The following DPH6 variants were observed in gnomAD, a reference collection of about 807,000 sequenced individuals.
DPH6 encodes the protein diphthamine biosynthesis 6.
In DPH6, 33 loss-of-function variants were observed where a neutral mutation model predicts 38.2. The observed-to-expected ratio is 0.86, with a 90% CI of 0.65 to 1.15. The LOEUF (loss-of-function observed/expected upper bound fraction) is 1.15. Ranked by LOEUF, DPH6 falls within the 50% of genes most tolerant of loss-of-function variation. The probability of loss-of-function intolerance (pLI) is 0.00; values close to 1 mark genes in which losing one functional copy is unlikely to be tolerated. For synonymous variants in DPH6, 108 were observed against 103.0 expected (o/e 1.05, Z -0.30); for missense variants, 325 against 320.0 (o/e 1.02, Z -0.12).
At chr15:35,263,017 A>G (rs930079338) in intron 3 of DPH6, among the ~76,000 whole-genome samples, 4 of 152,212 alleles carry the variant, frequency 2.6e-5, no homozygotes, top group Non-Finnish European at 5.9e-5. Flanking sequence ...GATGTGGATA[A>G]TTACATGCTG....
chr15:35,182,132 A>G, the DPH6 span, among the ~76,000 whole-genome samples: 1 of 151,516 alleles, frequency 6.6e-6, no homozygotes, highest in Non-Finnish European at 1.5e-5. Context: ...CTATAGATAA[A>G]GGAATTCATG....
At chr15:35,537,825 TGTTA>T (rs2055192929) in intron 3 of DPH6, among the ~76,000 whole-genome samples, 1 of 152,120 alleles carries the variant, frequency 6.6e-6, no homozygotes, top group Non-Finnish European at 1.5e-5. Context: ...CTATCAAGCA[TGTTA>T]TTTATTGTTT....
chr15:35,485,948 T>C (rs756155173), intron 3 of DPH6, among the ~76,000 whole-genome samples: 3 of 152,190 alleles, frequency 2.0e-5, no homozygotes, highest in Admixed American at 1.3e-4. Context: ...ACTAACTAGC[T>C]TAAGTAGTTG....
intron 3 of DPH6, among the ~76,000 whole-genome samples, chr15:35,238,491 T>C (rs2051573414): frequency 1.3e-5 from 2 of 152,222 alleles, no homozygotes; most frequent in Non-Finnish European, 2.9e-5. Context: ...CCAGCCACAC[T>C]TGGGGAGCCA....
At chr15:35,213,431 G>A (rs527911637), downstream of DPH6, among the ~76,000 whole-genome samples, 2 of 152,036 alleles carry the variant, frequency 1.3e-5, no homozygotes, top group South Asian at 2.1e-4. Context: ...TATAACACAC[G>A]TTTTTATGCT....
At chr15:35,394,738 C>T (rs983179598) in intron 6 of DPH6, among the ~76,000 whole-genome samples, 7 of 152,282 alleles carry the variant, frequency 4.6e-5, no homozygotes, top group Middle Eastern at 3.4e-3. Context: ...ACAATAGTAC[C>T]AACCTCATAG....
intron 3 of DPH6, among the ~76,000 whole-genome samples, chr15:35,464,248 C>T (rs903160900): frequency 3.3e-5 from 5 of 150,356 alleles, no homozygotes; most frequent in East Asian, 1.9e-4. Context: ...GAGCCGAGAT[C>T]GTGCTACAGT....
intron 3 of DPH6, among the ~76,000 whole-genome samples, chr15:35,525,633 A>G (rs1361506420): frequency 6.6e-6 from 1 of 152,100 alleles, no homozygotes; most frequent in East Asian, 1.9e-4. Flanking sequence ...ACTATGACAA[A>G]AATTGGCCAC....
chr15:35,467,447 T>C (rs2054141178), intron 3 of DPH6, among the ~76,000 whole-genome samples: 1 of 152,142 alleles, frequency 6.6e-6, no homozygotes, highest in African/African-American at 2.4e-5. Flanking sequence ...GCACCTGTAA[T>C]CCCAGCTACA....
intron 3 of DPH6, among the ~76,000 whole-genome samples, chr15:35,486,524 CA>C (rs753700247): frequency 5.3e-5 from 8 of 150,164 alleles, no homozygotes; most frequent in Admixed American, 1.3e-4. Context: ...TTTAAATCAT[CA>C]GATCTCAAGA....
chr15:35,392,451 T>C (rs1311220285), intron 6 of DPH6, among the ~76,000 whole-genome samples: 1 of 151,690 alleles, frequency 6.6e-6, no homozygotes, highest in Non-Finnish European at 1.5e-5. Flanking sequence ...ACCTTTCACC[T>C]CCACCTAGAG....
intron 3 of DPH6, among the ~76,000 whole-genome samples, chr15:35,473,939 TGTGTGTGTGTGTGTGTGTGC>T (rs1389385134): frequency 1.8e-3 from 145 of 80,834 alleles, no homozygotes; most frequent in South Asian, 0.018. Flanking sequence ...TGTGTGTGTG[TGTGTGTGTGTGTGTGTGTGC>T]GCGCGCGCGC....
intron 3 of DPH6, among the ~76,000 whole-genome samples, chr15:35,485,701 T>C (rs1398446439): frequency 1.3e-5 from 2 of 152,206 alleles, no homozygotes; most frequent in African/African-American, 4.8e-5. Flanking sequence ...TGTTTGGATA[T>C]AATACTTTGA....
chr15:35,401,607 C>T, intron 6 of DPH6: 1 of 762,882 alleles, frequency 1.3e-6, no homozygotes, highest in Non-Finnish European at 2.4e-6. Flanking sequence ...GCAATTACAA[C>T]AATCATCTTC....
the DPH6 span, among the ~76,000 whole-genome samples, chr15:35,188,588 T>C: frequency 6.6e-6 from 1 of 152,196 alleles, no homozygotes; most frequent in East Asian, 1.9e-4. Context: ...CTTTCACTCA[T>C]GCTCTAAAAC....
intron 5 of DPH6, among the ~76,000 whole-genome samples, chr15:35,440,927 C>A (rs146118647): frequency 0.011 from 1,737 of 152,184 alleles, 23 homozygotes; most frequent in African/African-American, 0.04. Flanking sequence ...GACAAATATC[C>A]AGAATCTACA....
chr15:35,391,775 A>G (rs1196819651), intron 6 of DPH6, among the ~76,000 whole-genome samples: 1 of 151,842 alleles, frequency 6.6e-6, no homozygotes, highest in Non-Finnish European at 1.5e-5. Context: ...GAATTCCCTG[A>G]CCCCTTGCGC....
At chr15:35,282,879 C>CG (rs1566858909) in intron 3 of DPH6, 1 of 341,510 alleles carries the variant, frequency 2.9e-6, no homozygotes. Context: ...AAGACCCCAT[C>CG]GGGGGGTTCC....
intron 3 of DPH6, among the ~76,000 whole-genome samples, chr15:35,310,648 G>T (rs1219473625): frequency 6.6e-6 from 1 of 152,120 alleles, no homozygotes; most frequent in African/African-American, 2.4e-5. Flanking sequence ...CTGTGTAATA[G>T]TACTAGCTGA....
Sources: gnomAD v4.1 joint callset for allele counts (sites outside exome capture counted in the v4.1 genomes callset) on GRCh38, gnomAD v4.1.1 for gene constraint, MANE v1.5 for transcripts, NCBI Gene and HGNC (gene_info 2026-07-23, HGNC 2026-07-21) for gene names.